Variants in PRRC1 observed in about 807,000 individuals in gnomAD.
The protein encoded by PRRC1 is proline rich coiled-coil 1.
PRRC1 carries 39 observed loss-of-function variants against 40.7 expected under a neutral mutation model. That is an observed-to-expected ratio of 0.96 (90% CI 0.74 to 1.25). The LOEUF is 1.25. Among genes scored for constraint, PRRC1 ranks in the 50% most tolerant of loss-of-function variants. The pLI, the probability that PRRC1 is intolerant of heterozygous loss-of-function variation, is 0.00. For missense variants in PRRC1, 573 were observed against 548.3 expected (o/e 1.05, Z -0.45); for synonymous variants, 175 against 193.3 (o/e 0.91, Z 0.79).
intron 1 of PRRC1, among the ~76,000 whole-genome samples, chr5:127,522,565 A>AT (rs1767488216): frequency 1.3e-5 from 2 of 151,544 alleles, no homozygotes; most frequent in Middle Eastern, 3.4e-3. Flanking sequence ...TAATTTTTTA[A>AT]TTTTTTTGTA....
chr5:127,547,245 T>C (rs1191249841), intron 7 of PRRC1, among the ~76,000 whole-genome samples: 1 of 152,136 alleles, frequency 6.6e-6, no homozygotes, highest in East Asian at 1.9e-4. Flanking sequence ...TAAGTCTCTT[T>C]AAATGAAGAG....
chr5:127,519,343 T>C (rs1767398762), intron 1 of PRRC1, among the ~76,000 whole-genome samples: 1 of 152,204 alleles, frequency 6.6e-6, no homozygotes, highest in African/African-American at 2.4e-5. Context: ...CCATAGATCT[T>C]TCCTACGTTC....
chr5:127,536,641 G>A (rs190577744), intron 6 of PRRC1, among the ~76,000 whole-genome samples: 152 of 152,162 alleles, frequency 1.0e-3, no homozygotes, highest in Admixed American at 2.1e-3. Context: ...AAATTGTGAA[G>A]CATTGTATAA....
chr5:127,543,233 G>C (rs571592304), intron 7 of PRRC1, among the ~76,000 whole-genome samples: 1 of 152,112 alleles, frequency 6.6e-6, no homozygotes. Flanking sequence ...AGTTTCTGCC[G>C]AGAGATCTGC....
chr5:127,540,533 C>A (rs1768014122), intron 7 of PRRC1, among the ~76,000 whole-genome samples: 1 of 152,006 alleles, frequency 6.6e-6, no homozygotes, highest in Admixed American at 6.6e-5. Context: ...TAAAGTACTT[C>A]CTTTGATAAT....
At chr5:127,535,898 G>T (rs946456297) in intron 6 of PRRC1, among the ~76,000 whole-genome samples, 8 of 151,936 alleles carry the variant, frequency 5.3e-5, no homozygotes, top group Non-Finnish European at 1.2e-4. Context: ...ATAAGTTTGA[G>T]GTGTTCTTTG....
intron 8 of PRRC1, chr5:127,548,455 T>C (rs1386477632): frequency 1.7e-5 from 2 of 119,648 alleles, no homozygotes; most frequent in African/African-American, 7.9e-5. Flanking sequence ...TCCTTATTCC[T>C]CTTTTTTTTT....
At chr5:127,546,779 T>A (rs979166756) in intron 7 of PRRC1, among the ~76,000 whole-genome samples, 1 of 152,194 alleles carries the variant, frequency 6.6e-6, no homozygotes, top group Admixed American at 6.5e-5. Context: ...CAAAATAAAA[T>A]TTAGCTAAGC....
intron 4 of PRRC1, among the ~76,000 whole-genome samples, chr5:127,529,816 G>A (rs574968713): frequency 3.9e-5 from 6 of 152,190 alleles, no homozygotes; most frequent in African/African-American, 7.2e-5. Context: ...AATGTTGTAC[G>A]TTAAGGTAAT....
chr5:127,521,624 A>C (rs1250556206), intron 1 of PRRC1, among the ~76,000 whole-genome samples: 1 of 152,186 alleles, frequency 6.6e-6, no homozygotes, highest in African/African-American at 2.4e-5. Context: ...TGGCACCGAA[A>C]ATTTATTTCT....
intron 1 of PRRC1, among the ~76,000 whole-genome samples, chr5:127,518,550 A>G (rs1479785585): frequency 1.3e-5 from 2 of 152,200 alleles, no homozygotes; most frequent in Admixed American, 1.3e-4. Context: ...GCCAGTGTTT[A>G]ATTCAGTGAA....
chr5:127,524,851 A>G lies in PRRC1; in HGVS notation c.424A>G (p.Thr142Ala). The change falls in exon 3 of 9, where the codon ACA (threonine) becomes GCA (alanine). Residue 142 changes from threonine to alanine, a missense_variant. Transcript: ENST00000296666. The stretch of plus-strand genomic sequence containing the variant: ...TTCTGTTGGTTCAACTTATGACATT[A>G]CAAGGGGACATGCTGGGAGAGCTCC... ...GFSVGSTYDI[T>A]RGHAGRAPQT... is the part of the protein sequence containing the mutation. The G allele has an allele frequency of 3.7e-6, 6 of 1,614,202 alleles. No individual in the cohort carries two copies. The highest frequency in any genetic ancestry group is 5.1e-6 in the Non-Finnish European group (6 of 1,180,032).
Position 127,533,662 on chromosome 5 carries a change from A to G in PRRC1, c.797A>G (p.Lys266Arg). The G allele has an allele frequency of 1.2e-6, 2 of 1,614,106 alleles. No individual in the cohort carries two copies. The highest frequency in any genetic ancestry group is 2.2e-5 in the South Asian group (2 of 91,080). Residue 266 changes from lysine to arginine, a missense_variant, in exon 6 of 9, where the codon AAA becomes AGA. Coordinates refer to ENST00000296666, the MANE Select transcript of PRRC1 (RefSeq NM_130809.5). ...GELDIVVTSN[K>R]EVKVAAVRDA... Reference sequence around the variant, plus strand: ...CTGGATATTGTAGTGACCTCAAATAAAGAAGTAAAAGTTGCTGCTGTCCGA... The same window carrying G: ...CTGGATATTGTAGTGACCTCAAATAGAGAAGTAAAAGTTGCTGCTGTCCGA...
intron 8 of PRRC1, chr5:127,550,766 T>C (rs1261559846): frequency 1.3e-5 from 2 of 152,196 alleles, no homozygotes; most frequent in African/African-American, 2.4e-5. Flanking sequence ...CTTTGAAATA[T>C]AGTGAAATAC....
At chr5:127,527,968 T>C (rs1240607170) in intron 4 of PRRC1, among the ~76,000 whole-genome samples, 4 of 152,154 alleles carry the variant, frequency 2.6e-5, no homozygotes, top group Non-Finnish European at 4.4e-5. Context: ...TAATTTGGAC[T>C]AGGGTATTTT....
At position 127,554,743 on chromosome 5, in the gene PRRC1, T is replaced by C. The variant is rs541402596; in HGVS notation, c.*2827T>C. On this transcript the variant is annotated 3_prime_UTR_variant, in exon 9 of 9. Transcript: ENST00000296666. ...TAAATACAAAAAGGTAGTGTGATAG[T>C]ATAAGTATCTAAGTGCAGATGAAAG... 6.6e-6 allele frequency: 1 copy of C among 152,422 alleles called. No homozygotes were observed. The highest frequency in any genetic ancestry group is 2.4e-5 in the African/African-American group (1 of 41,240). 9.4% of individuals were successfully genotyped at this position (152,422 alleles called of 1,614,324 possible).
At chr5:127,519,244 G>A (rs1311688706) in intron 1 of PRRC1, among the ~76,000 whole-genome samples, 1 of 152,062 alleles carries the variant, frequency 6.6e-6, no homozygotes, top group Non-Finnish European at 1.5e-5. Flanking sequence ...TCTCCAAAGG[G>A]GCATTTCTAT....
chr5:127,532,748 C>A (rs1767807532), intron 5 of PRRC1, among the ~76,000 whole-genome samples: 1 of 152,100 alleles, frequency 6.6e-6, no homozygotes, highest in African/African-American at 2.4e-5. Context: ...TTTCCCTGTT[C>A]CACATGATAT....
In PRRC1 at chr5:127,524,764, T is replaced by G. The variant is rs1209680892; in HGVS notation, c.337T>G (p.Ser113Ala). 1.9e-6 allele frequency: 3 copies of G among 1,614,180 alleles called. No homozygotes were observed. Among genetic ancestry groups the G allele is most frequent in the Non-Finnish European group, 1.7e-6 (2 of 1,180,032 alleles). Residue 113 changes from serine to alanine, a missense_variant, in exon 3 of 9, where the codon TCA becomes GCA. Physicochemically the swap from Ser to Ala is moderately conservative, Grantham distance 99. Coordinates refer to ENST00000296666, the MANE Select transcript of PRRC1 (RefSeq NM_130809.5). ...TCCTCCTGTATCTCACTTCCCACCTTCAACTTCTGCCCCAAACACTCTTTT... is the reference window on the plus strand; with the variant it reads ...TCCTCCTGTATCTCACTTCCCACCTGCAACTTCTGCCCCAAACACTCTTTT... ...GNPPVSHFPP[S>A]TSAPNTLLPA...
Sources: gnomAD v4.1 joint callset for allele counts (sites outside exome capture counted in the v4.1 genomes callset) on GRCh38, gnomAD v4.1.1 for gene constraint, MANE v1.5 for transcripts, NCBI Gene and HGNC (gene_info 2026-07-23, HGNC 2026-07-21) for gene names.